The following EYS variants were observed in gnomAD, a reference collection of about 807,000 sequenced individuals.
EYS encodes EGF-like photoreceptor maintenance factor, also known as protein eyes shut homolog.
In EYS, 250 loss-of-function variants were observed where a neutral mutation model predicts 282.1. The ratio of observed to expected loss-of-function variants is 0.89; its 90% CI spans 0.80 to 0.98. EYS has a LOEUF of 0.98. EYS is among the 50% of genes least tolerant of loss of function. EYS has a pLI of 0.00. For synonymous variants in EYS, 1,355 were observed against 1,282.9 expected (o/e 1.06, Z -1.20); for missense variants, 4,016 against 3,709.0 (o/e 1.08, Z -2.15).
intron 35 of EYS, among the ~76,000 whole-genome samples, chr6:63,983,432 G>A (rs143571418): frequency 2.1e-4 from 32 of 151,428 alleles, no homozygotes; most frequent in African/African-American, 7.5e-4. Flanking sequence ...TTTGTGATTG[G>A]TTCTTTCTCT....
chr6:64,557,715 G>C (rs1011729112), intron 26 of EYS, among the ~76,000 whole-genome samples: 2 of 151,910 alleles, frequency 1.3e-5, no homozygotes, highest in Admixed American at 1.3e-4. Flanking sequence ...TGACATTATA[G>C]GAAAGAAGCA....
intron 12 of EYS, among the ~76,000 whole-genome samples, chr6:65,086,569 G>T (rs754518676): frequency 6.6e-6 from 1 of 152,088 alleles, no homozygotes; most frequent in Non-Finnish European, 1.5e-5. Context: ...CTTAAAAGGA[G>T]AAATAAGGAT....
At chr6:63,845,628 A>G (rs1261944358) in intron 36 of EYS, among the ~76,000 whole-genome samples, 1 of 152,078 alleles carries the variant, frequency 6.6e-6, no homozygotes, top group African/African-American at 2.4e-5. Context: ...AATGATTTCT[A>G]AGTTTGTTCT....
intron 12 of EYS, among the ~76,000 whole-genome samples, chr6:65,249,648 A>C (rs1173652172): frequency 6.6e-6 from 1 of 152,048 alleles, no homozygotes; most frequent in Non-Finnish European, 1.5e-5. Flanking sequence ...AATGTATAAA[A>C]ATTGTTGGAA....
chr6:65,102,101 G>C (rs1774910984), intron 12 of EYS, among the ~76,000 whole-genome samples: 1 of 151,272 alleles, frequency 6.6e-6, no homozygotes, highest in African/African-American at 2.4e-5. Context: ...GTGTTTATAA[G>C]AGCAAATTAC....
chr6:65,330,674 A>G (rs1769762544), intron 11 of EYS: 2 of 939,616 alleles, frequency 2.1e-6, no homozygotes, highest in South Asian at 9.8e-5. Context: ...AACATCATCA[A>G]CATTATTAGT....
chr6:65,139,514 C>T (rs1178430607), intron 12 of EYS, among the ~76,000 whole-genome samples: 1 of 152,032 alleles, frequency 6.6e-6, no homozygotes, highest in Non-Finnish European at 1.5e-5. Context: ...AAAAAATAAT[C>T]TGTATACCAA....
At chr6:64,074,055 G>A (rs1201198958) in intron 32 of EYS, among the ~76,000 whole-genome samples, 1 of 151,656 alleles carries the variant, frequency 6.6e-6, no homozygotes, top group Non-Finnish European at 1.5e-5. Flanking sequence ...AGGCTTTGTA[G>A]TAAGTTTTAA....
intron 26 of EYS, among the ~76,000 whole-genome samples, chr6:64,569,288 G>A (rs1765648381): frequency 6.6e-6 from 1 of 151,904 alleles, no homozygotes; most frequent in Non-Finnish European, 1.5e-5. Context: ...CCAGTTTAGA[G>A]AAGAACATAA....
At chr6:65,347,384 T>G (rs1011173901) in intron 9 of EYS, among the ~76,000 whole-genome samples, 2 of 151,800 alleles carry the variant, frequency 1.3e-5, no homozygotes, top group Non-Finnish European at 2.9e-5. Flanking sequence ...TATTGATATA[T>G]TCTCGATCCT....
chr6:64,003,638 A>G (rs11966701), intron 33 of EYS, among the ~76,000 whole-genome samples: 2,098 of 152,286 alleles, frequency 0.014, 42 homozygotes, highest in African/African-American at 0.047. Context: ...TTTTACCTGA[A>G]TCATCTTGAA....
At chr6:64,260,399 T>C (rs1767549134) in intron 30 of EYS, among the ~76,000 whole-genome samples, 1 of 152,098 alleles carries the variant, frequency 6.6e-6, no homozygotes, top group African/African-American at 2.4e-5. Context: ...CTAACTAATA[T>C]TGGTACACCC....
chr6:64,023,470 A>T (rs1402065624), intron 33 of EYS, among the ~76,000 whole-genome samples: 1 of 152,230 alleles, frequency 6.6e-6, no homozygotes. Flanking sequence ...ACATGGTAAA[A>T]TGTACACTTA....
chr6:64,146,449 C>G (rs1774522192), intron 31 of EYS, among the ~76,000 whole-genome samples: 1 of 151,966 alleles, frequency 6.6e-6, no homozygotes, highest in African/African-American at 2.4e-5. Context: ...TTGGCTTGTC[C>G]CAAAGCAGAA....
chr6:65,032,088 A>C (rs1203156053), intron 13 of EYS, among the ~76,000 whole-genome samples: 1 of 152,148 alleles, frequency 6.6e-6, no homozygotes, highest in Non-Finnish European at 1.5e-5. Context: ...AAACAAAAAC[A>C]ACCCTAAGAA....
chr6:64,234,939 C>A (rs1272367742), intron 30 of EYS, among the ~76,000 whole-genome samples: 1 of 151,478 alleles, frequency 6.6e-6, no homozygotes, highest in South Asian at 2.1e-4. Flanking sequence ...AGTGTAATGG[C>A]CAATCTTGGC....
chr6:63,949,304 C>A (rs1003184017), intron 35 of EYS, among the ~76,000 whole-genome samples: 4 of 152,168 alleles, frequency 2.6e-5, no homozygotes, highest in Admixed American at 2.6e-4. Flanking sequence ...TTACACTATC[C>A]TACAAGTGTC....
chr6:64,861,845 T>C (rs1766247334), intron 19 of EYS, among the ~76,000 whole-genome samples: 1 of 152,218 alleles, frequency 6.6e-6, no homozygotes, highest in Non-Finnish European at 1.5e-5. Context: ...TTGTTTTACC[T>C]TCATTTACTC....
chr6:65,572,183 A>T (rs1306471497), intron 2 of EYS, among the ~76,000 whole-genome samples: 1 of 152,106 alleles, frequency 6.6e-6, no homozygotes, highest in Non-Finnish European at 1.5e-5. Flanking sequence ...AAGCTGGAAA[A>T]TTATAGACTC....
Sources: gnomAD v4.1 joint callset for allele counts (sites outside exome capture counted in the v4.1 genomes callset) on GRCh38, gnomAD v4.1.1 for gene constraint, MANE v1.5 for transcripts, NCBI Gene and HGNC (gene_info 2026-07-23, HGNC 2026-07-21) for gene names.